SAMD12: variants seen among roughly 807,000 people sequenced by gnomAD.
The protein encoded by SAMD12 is sterile alpha motif domain containing 12, also known as sterile alpha motif domain-containing protein 12.
SAMD12 carries 9 observed loss-of-function variants against 15.0 expected under a neutral mutation model. The ratio of observed to expected loss-of-function variants is 0.60; its 90% CI spans 0.36 to 1.05. The LOEUF is 1.05. SAMD12 is among the 50% of genes least tolerant of loss of function. The probability of loss-of-function intolerance (pLI) is 0.01; values close to 1 mark genes in which losing one functional copy is unlikely to be tolerated. For missense variants in SAMD12, 230 were observed against 234.2 expected, an observed-to-expected ratio of 0.98 and a Z score of 0.12; for synonymous variants, 86 against 90.1, an observed-to-expected ratio of 0.96 and a Z score of 0.25.
intron 4 of SAMD12, among the ~76,000 whole-genome samples, chr8:118,349,373 T>C (rs1025195863): frequency 6.6e-6 from 1 of 151,738 alleles, no homozygotes; most frequent in Non-Finnish European, 1.5e-5. Context: ...ATGTAAAAAG[T>C]ATGGAGGGGT....
the SAMD12 span, among the ~76,000 whole-genome samples, chr8:118,180,761 C>T: frequency 1.3e-5 from 2 of 150,476 alleles, no homozygotes; most frequent in Non-Finnish European, 3.0e-5. Flanking sequence ...AGAGTTTCGT[C>T]AAGTTGCCCA....
intron 1 of SAMD12, among the ~76,000 whole-genome samples, chr8:118,605,412 A>C (rs1389620626): frequency 6.6e-6 from 1 of 152,098 alleles, no homozygotes; most frequent in African/African-American, 2.4e-5. Context: ...CTCCAGGTAC[A>C]GCTAGTCATT....
chr8:118,433,767 A>G lies in SAMD12; in HGVS notation c.322+6065T>C, dbSNP rs991623419. Among the ~76,000 whole-genome samples the G allele has an allele frequency of 9.8e-5, 15 of 152,370 alleles. No individual in the cohort carries two copies. In the East Asian group the frequency reaches 1.3e-3, roughly 14 times the overall value. ...ACACAAAAAAGAAATGTGAAAAAACAAATACAAAGAGATAGGAAAGTAGAT... is the reference window on the plus strand; with the variant it reads ...ACACAAAAAAGAAATGTGAAAAAACGAATACAAAGAGATAGGAAAGTAGAT... On this transcript the variant is annotated intron_variant, in intron 3 of 3. Transcript: ENST00000314727.
At chr8:118,613,684 T>C (rs572412304) in intron 1 of SAMD12, among the ~76,000 whole-genome samples, 6 of 152,354 alleles carry the variant, frequency 3.9e-5, no homozygotes, top group East Asian at 1.9e-4. Flanking sequence ...CAGATCTTAA[T>C]TGGGCCATGG....
At chr8:118,554,449 C>T (rs1438970880) in intron 2 of SAMD12, among the ~76,000 whole-genome samples, 10 of 149,660 alleles carry the variant, frequency 6.7e-5, no homozygotes, top group East Asian at 2.0e-4. Flanking sequence ...AACCAAACAC[C>T]GCATATTCTC....
chr8:118,259,957 T>C (rs1034964316), intron 4 of SAMD12, among the ~76,000 whole-genome samples: 2 of 152,144 alleles, frequency 1.3e-5, no homozygotes, highest in Non-Finnish European at 2.9e-5. Flanking sequence ...GTTCTTTTGT[T>C]TGCCAGTTCA....
At chr8:118,500,911 T>C (rs1323032074) in intron 2 of SAMD12, among the ~76,000 whole-genome samples, 1 of 152,210 alleles carries the variant, frequency 6.6e-6, no homozygotes, top group Non-Finnish European at 1.5e-5. Flanking sequence ...TTGTTGACAT[T>C]CTGGTCTCCT....
At chr8:118,516,638 C>CTTTT (rs34734575) in intron 2 of SAMD12, among the ~76,000 whole-genome samples, 3 of 139,910 alleles carry the variant, frequency 2.1e-5, no homozygotes, top group African/African-American at 2.8e-5. Flanking sequence ...TTCTTTCTTT[C>CTTTT]TTTTTTTTTT....
At chr8:118,428,322 A>AC (rs1221162962) in intron 3 of SAMD12, among the ~76,000 whole-genome samples, 8 of 152,128 alleles carry the variant, frequency 5.3e-5, no homozygotes, top group Admixed American at 3.3e-4. Context: ...TCCCAGCTAC[A>AC]TGTGAGGTTG....
Position 118,250,685 on chromosome 8 carries a change from T to A in SAMD12, c.434-52953A>T, listed in dbSNP as rs1236511149. Among the ~76,000 whole-genome samples, 15 of 151,890 alleles carry A rather than the reference T, an allele frequency of 9.9e-5. No individual in the cohort carries two copies. The South Asian group carries it at 2.3e-3, about 23-fold the overall frequency. On this transcript the variant is annotated intron_variant, in intron 4 of 4. Transcript: ENST00000409003. ...AATTTTTTATTTATTTATTTTTTTT[T>A]ATTTTTGGTATTTTTTGCCATGTTG...
intron 4 of SAMD12, among the ~76,000 whole-genome samples, chr8:118,240,664 T>G (rs1211647799): frequency 1.3e-5 from 2 of 152,180 alleles, no homozygotes; most frequent in African/African-American, 2.4e-5. Context: ...TTATTGTTAT[T>G]ATAATCTTTT....
At chr8:118,581,409 T>C (rs1480124896) in intron 1 of SAMD12, among the ~76,000 whole-genome samples, 1 of 152,196 alleles carries the variant, frequency 6.6e-6, no homozygotes, top group African/African-American at 2.4e-5. Flanking sequence ...AACATGGATT[T>C]ACATATGACA....
At chr8:118,524,156 T>A (rs756240513) in intron 2 of SAMD12, among the ~76,000 whole-genome samples, 2 of 152,086 alleles carry the variant, frequency 1.3e-5, no homozygotes, top group South Asian at 4.1e-4. Context: ...GCTCTTGTTC[T>A]CCAAATCCAC....
intron 4 of SAMD12, among the ~76,000 whole-genome samples, chr8:118,228,405 G>A (rs976631798): frequency 2.6e-5 from 4 of 152,044 alleles, no homozygotes; most frequent in African/African-American, 9.7e-5. Context: ...CTAATATCCA[G>A]GATTTACAAC....
At chr8:118,258,784 C>T (rs1813011228) in intron 4 of SAMD12, among the ~76,000 whole-genome samples, 1 of 152,092 alleles carries the variant, frequency 6.6e-6, no homozygotes, top group African/African-American at 2.4e-5. Flanking sequence ...ATATAGGTAA[C>T]ACCATAAAGT....
chr8:118,481,082 A>G (rs1275640288), intron 2 of SAMD12, among the ~76,000 whole-genome samples: 1 of 152,102 alleles, frequency 6.6e-6, no homozygotes, highest in Non-Finnish European at 1.5e-5. Context: ...AGCTGGGATT[A>G]CAGGTGTGTG....
At chr8:118,264,498 G>A (rs115477221) in intron 4 of SAMD12, among the ~76,000 whole-genome samples, 5 of 152,092 alleles carry the variant, frequency 3.3e-5, no homozygotes, top group East Asian at 1.9e-4. Flanking sequence ...CAGAGCTGAC[G>A]GTTCTCTAAA....
chr8:118,523,537 C>G (rs745728079), intron 2 of SAMD12, among the ~76,000 whole-genome samples: 19 of 151,594 alleles, frequency 1.3e-4, no homozygotes, highest in Non-Finnish European at 2.7e-4. Flanking sequence ...TCCTCTCTCG[C>G]ACATGCCTTT....
chr8:118,396,632 G>T lies in SAMD12; in HGVS notation c.323-16932C>A, dbSNP rs114774481. 2.7e-3 allele frequency among the ~76,000 whole-genome samples: 415 copies of T among 152,330 alleles called. 4 individuals carry two copies. Among genetic ancestry groups the T allele is most frequent in the African/African-American group, 9.4e-3 (392 of 41,578 alleles). On this transcript the variant is annotated intron_variant, in intron 3 of 3. Coordinates refer to ENST00000314727, the MANE Select transcript of SAMD12 (RefSeq NM_207506.3). ...AGAAATGGGCCCAGAAAAGTGAAGA[G>T]ATTTGTCCAAAGTCGTAAGACTAGT...
Sources: gnomAD v4.1 joint callset for allele counts (sites outside exome capture counted in the v4.1 genomes callset) on GRCh38, gnomAD v4.1.1 for gene constraint, MANE v1.5 for transcripts, NCBI Gene and HGNC (gene_info 2026-07-23, HGNC 2026-07-21) for gene names.